The following NRXN1 variants were observed in gnomAD, a reference collection of about 807,000 sequenced individuals.
The protein encoded by NRXN1 is neurexin 1.
Under a neutral mutation model 150.9 loss-of-function variants are expected in NRXN1, and 39 were observed. The ratio of observed to expected loss-of-function variants is 0.26; its 90% confidence interval spans 0.20 to 0.34. NRXN1 has a LOEUF of 0.34. Among genes scored for constraint, NRXN1 ranks in the 10% least tolerant of loss-of-function variants. The pLI is 1.00. For synonymous variants in NRXN1, 924 were observed against 757.0 expected (o/e 1.22, Z -3.62); for missense variants, 1,815 against 1,949.9 (o/e 0.93, Z 1.30).
Position 50,949,025 on chromosome 2 carries a change from T to C in NRXN1, c.773-23070A>G, listed in dbSNP as rs973464187. On this transcript the variant is annotated intron_variant, in intron 2 of 22. Coordinates refer to ENST00000401669, the MANE Select transcript of NRXN1 (RefSeq NM_001330078.2). ...GGGAGCAGAAAACTGCTAGATCTGT[T>C]CTATAAACCCAAGGAAATATATATA... Among the ~76,000 whole-genome samples the C allele has an allele frequency of 1.2e-4, 19 of 152,048 alleles. 1 individual carries two copies. The highest frequency in any genetic ancestry group is 4.1e-4 in the African/African-American group (17 of 41,428).
intron 21 of NRXN1, among the ~76,000 whole-genome samples, chr2:49,945,511 A>G (rs1385797631): frequency 6.6e-6 from 1 of 151,418 alleles, no homozygotes; most frequent in Non-Finnish European, 1.5e-5. Flanking sequence ...TACATTAGGT[A>G]TTTCTCCTAA....
At chr2:50,638,364 C>G (rs1683541777) in intron 5 of NRXN1, among the ~76,000 whole-genome samples, 2 of 152,042 alleles carry the variant, frequency 1.3e-5, no homozygotes, top group African/African-American at 4.8e-5. Flanking sequence ...AAGAAATGGG[C>G]CTTCTCTCAC....
rs184997683 is a variant in NRXN1 at position 50,430,854 on chromosome 2, T to C, written c.3364+34588A>G. ...TTCTTCTCATTTGAAACTCTTGCAT[T>C]GGCCACAGCTGCTGTTCTAAATTGC... On this transcript the variant is annotated intron_variant, in intron 17 of 22. Coordinates refer to ENST00000401669, the MANE Select transcript of NRXN1 (RefSeq NM_001330078.2). Among the ~76,000 whole-genome samples, 4 of 152,286 alleles carry C rather than the reference T, an allele frequency of 2.6e-5. No individual in the cohort carries two copies. The East Asian group carries it at 5.8e-4, about 22-fold the overall frequency.
At chr2:50,094,217 T>A (rs1452781) in intron 18 of NRXN1, among the ~76,000 whole-genome samples, 37,466 of 152,174 alleles carry the variant, frequency 0.25, 5,044 homozygotes, top group Admixed American at 0.38. Context: ...ACTGTTTCCA[T>A]CTTACAAAAT....
chr2:49,941,446 A>G (rs1671956854), intron 22 of NRXN1, among the ~76,000 whole-genome samples: 1 of 151,822 alleles, frequency 6.6e-6, no homozygotes, highest in Non-Finnish European at 1.5e-5. Flanking sequence ...AGCAAAAGAC[A>G]GACAGTAAAC....
At chr2:51,003,010 C>A (rs1700264498) in intron 2 of NRXN1, among the ~76,000 whole-genome samples, 1 of 151,924 alleles carries the variant, frequency 6.6e-6, no homozygotes, top group African/African-American at 2.4e-5. Context: ...TGGACAGACT[C>A]TTCCAACTGA....
At chr2:50,396,885 T>C (rs1228071424) in intron 17 of NRXN1, among the ~76,000 whole-genome samples, 1 of 152,146 alleles carries the variant, frequency 6.6e-6, no homozygotes, top group Non-Finnish European at 1.5e-5. Flanking sequence ...ACGAGTATTT[T>C]TGTCTCCTTA....
intron 21 of NRXN1, among the ~76,000 whole-genome samples, chr2:50,049,907 A>T (rs925440873): frequency 2.2e-4 from 33 of 152,242 alleles, no homozygotes; most frequent in Non-Finnish European, 4.0e-4. Flanking sequence ...AGCCTTCTGG[A>T]AAGTTTCATA....
chr2:50,456,291 G>C (rs1008930533), intron 17 of NRXN1, among the ~76,000 whole-genome samples: 1 of 152,108 alleles, frequency 6.6e-6, no homozygotes, highest in Non-Finnish European at 1.5e-5. Flanking sequence ...ATCCTGGGGA[G>C]ATTAAGCCTC....
At chr2:50,600,300 G>A (rs1336568360) in intron 8 of NRXN1, among the ~76,000 whole-genome samples, 5 of 150,668 alleles carry the variant, frequency 3.3e-5, no homozygotes, top group African/African-American at 9.7e-5. Context: ...AAAATTTCTA[G>A]GTAAAAGTAG....
rs1346740239 is a variant in NRXN1 at position 50,674,135 on chromosome 2, TAAC to T, written c.833-50523_833-50521del. ...AGTAACTCATTAAAATAATGTGTAA[TAAC>T]AGCCTTAGGAAAAGTGTTTACAAGG... On this transcript the variant is annotated intron_variant, in intron 5 of 22. Coordinates refer to ENST00000401669, the MANE Select transcript of NRXN1 (RefSeq NM_001330078.2). 4.6e-5 allele frequency among the ~76,000 whole-genome samples: 7 copies of T among 152,200 alleles called. No homozygotes were observed. The East Asian group carries it at 1.4e-3, about 29-fold the overall frequency.
intron 21 of NRXN1, among the ~76,000 whole-genome samples, chr2:50,018,624 G>C (rs146167392): frequency 4.6e-5 from 7 of 152,238 alleles, no homozygotes; most frequent in African/African-American, 9.6e-5. Flanking sequence ...GTAGTTGTAT[G>C]ATACCTTGTT....
intron 18 of NRXN1, among the ~76,000 whole-genome samples, chr2:50,234,213 G>C (rs1453723266): frequency 6.6e-6 from 1 of 152,062 alleles, no homozygotes; most frequent in Non-Finnish European, 1.5e-5. Context: ...ATGGAAAAAG[G>C]CCGGGCACGG....
intron 18 of NRXN1, among the ~76,000 whole-genome samples, chr2:50,198,449 T>A (rs992705688): frequency 2.0e-5 from 3 of 152,140 alleles, no homozygotes; most frequent in Non-Finnish European, 4.4e-5. Context: ...CACACTTCCT[T>A]CGTATTTTCC....
intron 12 of NRXN1, among the ~76,000 whole-genome samples, chr2:50,515,208 T>G (rs1327331694): frequency 6.6e-6 from 1 of 152,178 alleles, no homozygotes; most frequent in East Asian, 1.9e-4. Flanking sequence ...GATCTAGGTT[T>G]CATGCTCCTT....
At chr2:50,258,728 T>C (rs1438219813) in intron 17 of NRXN1, among the ~76,000 whole-genome samples, 1 of 152,062 alleles carries the variant, frequency 6.6e-6, no homozygotes, top group Non-Finnish European at 1.5e-5. Context: ...CTATGGCAGT[T>C]ATAACTTTAT....
rs1172734531 is a variant in NRXN1, at chr2:50,962,092, G to A, written c.773-36137C>T. Among the ~76,000 whole-genome samples the A allele has an allele frequency of 7.2e-5, 10 of 139,858 alleles. No homozygotes were observed. The East Asian group carries it at 2.0e-3, about 28-fold the overall frequency. The allele number at this position is 139,858 out of a possible 152,430, so 91.8% of individuals were successfully genotyped here. ...TGCACCAATGAATGATTCTGAGACT[G>A]CTGCTGACTATTTTCCAAATTAACA... On this transcript the variant is annotated intron_variant, in intron 2 of 22. Coordinates refer to ENST00000401669, the MANE Select transcript of NRXN1 (RefSeq NM_001330078.2).
chr2:50,944,238 C>T (rs548679845), intron 2 of NRXN1, among the ~76,000 whole-genome samples: 1 of 152,088 alleles, frequency 6.6e-6, no homozygotes, highest in Non-Finnish European at 1.5e-5. Flanking sequence ...AGGGCTGATC[C>T]ATTTTAGGCA....
intron 17 of NRXN1, among the ~76,000 whole-genome samples, chr2:50,428,463 A>T (rs1032796202): frequency 1.3e-5 from 2 of 152,234 alleles, no homozygotes; most frequent in African/African-American, 4.8e-5. Context: ...ACACATTTTC[A>T]TTGAGAGACA....
Sources: gnomAD v4.1 joint callset for allele counts (sites outside exome capture counted in the v4.1 genomes callset) on GRCh38, gnomAD v4.1.1 for gene constraint, MANE v1.5 for transcripts, NCBI Gene and HGNC (gene_info 2026-07-23, HGNC 2026-07-21) for gene names.